Variants in ZNF862 observed in about 807,000 individuals in gnomAD.
The protein encoded by ZNF862 is zinc finger protein 862.
ZNF862 carries 64 observed loss-of-function variants against 91.1 expected under a neutral mutation model. The ratio of observed to expected loss-of-function variants is 0.70; its 90% confidence interval spans 0.57 to 0.87. ZNF862 has a LOEUF of 0.87. Ranked by LOEUF, ZNF862 falls within the 40% of genes least tolerant of loss-of-function variation. The probability of loss-of-function intolerance (pLI) is 0.00; values close to 1 mark genes in which losing one functional copy is unlikely to be tolerated. For missense variants in ZNF862, 1,459 were observed against 1,528.0 expected, an observed-to-expected ratio of 0.95 and a Z score of 0.75; for synonymous variants, 631 against 618.1, an observed-to-expected ratio of 1.02 and a Z score of -0.31.
chr7:149,863,597 A>G (rs559551246), intron 7 of ZNF862, among the ~76,000 whole-genome samples: 14 of 152,150 alleles, frequency 9.2e-5, no homozygotes, highest in Non-Finnish European at 1.8e-4. Context: ...TGCTAAGGAG[A>G]AAAAAATGAT....
At position 149,848,269 on chromosome 7, in the gene ZNF862, C is replaced by G; in HGVS notation, c.776C>G (p.Pro259Arg). ...TTTGATAGCATGGCTGAGCTCCTGC[C>G]AAGTTCAAGAGCTGAACTAGAGGAC... is the stretch of plus-strand genomic sequence containing the variant. Reference protein sequence around the residue: ...GGFDSMAELLPSSRAELEDPG... With the variant: ...GGFDSMAELLRSSRAELEDPG... Residue 259 changes from proline (P) to arginine (R), a missense_variant, in exon 4 of 8, where the codon CCA (proline) becomes CGA (arginine). Transcript: ENST00000223210. The G allele has an allele frequency of 6.2e-7, 1 of 1,612,164 alleles. No individual in the cohort carries two copies. The highest frequency in any genetic ancestry group is 1.1e-5 in the South Asian group (1 of 90,688).
chr7:149,861,441 A>T lies in ZNF862; in HGVS notation c.2281A>T (p.Asn761Tyr). ...CGTCTTCAAGTTTTATCAGTCCTCA[A>T]ACAAGAGGCTGAACGAGCTGCAGGA... is the stretch of plus-strand genomic sequence containing the variant. ...RTVFKFYQSS[N>Y]KRLNELQEGA... Residue 761 changes from asparagine (N) to tyrosine (Y), a missense_variant, in exon 7 of 8, where the codon AAC becomes TAC. By Grantham distance (143) the Asn-to-Tyr change is moderately radical. Coordinates refer to ENST00000223210, the MANE Select transcript of ZNF862 (RefSeq NM_001099220.3). This position sits in a 1 kb window ranked among gnomAD's most constrained non-coding sequence, Gnocchi z 6.7. 5 of 1,613,456 alleles carry T rather than the reference A, an allele frequency of 3.1e-6. No individual in the cohort carries two copies. The highest frequency in any genetic ancestry group is 4.2e-6 in the Non-Finnish European group (5 of 1,179,890).
chr7:149,859,644 C>A, intron 6 of ZNF862, 118 bp downstream of exon 6: 1 of 801,878 alleles, frequency 1.2e-6, no homozygotes, highest in Non-Finnish European at 2.0e-6. Context: ...GGCACCAAGC[C>A]TGGCAGGAGG....
chr7:149,845,836 C>G (rs967343428), intron 2 of ZNF862, among the ~76,000 whole-genome samples: 1 of 152,138 alleles, frequency 6.6e-6, no homozygotes, highest in Non-Finnish European at 1.5e-5. Context: ...GGCCTGGTTT[C>G]TTCTGTTATA....
intron 2 of ZNF862, 110 bp from the exon 3 acceptor site, chr7:149,846,041 C>A: frequency 1.3e-6 from 1 of 753,000 alleles, no homozygotes; most frequent in South Asian, 1.7e-5. Context: ...CCTTATCTCA[C>A]CATGCCGAGA....
Position 149,845,099 on chromosome 7 carries a change from G to A in ZNF862, c.136+363G>A, listed in dbSNP as rs143393372. On this transcript the variant is annotated intron_variant, in intron 2 of 7. Coordinates refer to ENST00000223210, the MANE Select transcript of ZNF862 (RefSeq NM_001099220.3). ...TGGAGGTAGGAAGCAGTGGTGGCAA[G>A]AGCATCACATTTGTGATGTGGAAAT... The A allele has an allele frequency of 9.0e-4, 200 of 221,926 alleles. 1 individual carries two copies. The highest frequency in any genetic ancestry group is 4.5e-3 in the African/African-American group (192 of 43,098). The allele number at this position is 221,926 out of a possible 1,614,324, so 13.7% of individuals were successfully genotyped here. A position where few individuals can be genotyped will look rare whatever the true frequency, so the allele number is the denominator to read the frequency against.
intron 1 of ZNF862, among the ~76,000 whole-genome samples, chr7:149,840,029 C>G (rs1801644184): frequency 6.6e-6 from 1 of 151,766 alleles, no homozygotes; most frequent in Non-Finnish European, 1.5e-5. Flanking sequence ...CGCTGTATAA[C>G]AAGGTTTCCA....
rs765311603 is a variant in ZNF862 at position 149,864,199 on chromosome 7, C to T, written c.3425C>T (p.Ala1142Val). The change falls in exon 8 of 8, where the codon GCG becomes GTG. Residue 1142 changes from alanine to valine, a missense_variant. Coordinates refer to ENST00000223210, the MANE Select transcript of ZNF862 (RefSeq NM_001099220.3). ...CCCATCCTGCCCTCCAGGGAAGCAG[C>T]GGAGGTTCTGAAGGACTGCATCATG... ...KPPILPSREA[A>V]EVLKDCIMEP... 20 of 1,597,706 alleles carry T rather than the reference C, an allele frequency of 1.3e-5. No homozygotes were observed. The highest frequency in any genetic ancestry group is 9.1e-5 in the South Asian group (8 of 87,934).
intron 4 of ZNF862, among the ~76,000 whole-genome samples, chr7:149,849,357 C>T (rs1302693206): frequency 6.6e-6 from 1 of 152,236 alleles, no homozygotes; most frequent in East Asian, 1.9e-4. Context: ...CTCCCCGCAG[C>T]ACTGCTGGGC....
chr7:149,860,470 C>T lies in ZNF862; in HGVS notation c.1310C>T (p.Ala437Val), dbSNP rs773828299. The T allele has an allele frequency of 6.2e-7, 1 of 1,613,986 alleles. No individual in the cohort carries two copies. The highest frequency in any genetic ancestry group is 8.5e-7 in the Non-Finnish European group (1 of 1,179,900). The change falls in exon 7 of 8, where the codon GCC becomes GTC. Residue 437 changes from alanine to valine, a missense_variant. By Grantham distance (64) the Ala-to-Val change is moderately conservative. Coordinates refer to ENST00000223210, the MANE Select transcript of ZNF862 (RefSeq NM_001099220.3). Reference sequence around the variant, plus strand: ...TTGCTTCCAGGCTCTCCCGTGGAGGCCCGTGCCTCCTGCTGCAGTTCCAGC... The same window carrying T: ...TTGCTTCCAGGCTCTCCCGTGGAGGTCCGTGCCTCCTGCTGCAGTTCCAGC... ...SALLPGSPVE[A>V]RASCCSSSIC...
In ZNF862 at chr7:149,850,193, T is replaced by C. The variant is rs1802015805; in HGVS notation, c.972T>C (p.Val324=). The part of the protein sequence containing the change: ...DPSAEGLSEE[V]PVVFEELPVV... ...CTGCAGAGGGGCTGTCGGAGGAGGT[T>C]CCTGTGGTGTTTGAGGAGCTGCCGG... Residue 324 remains valine, a synonymous_variant, in exon 5 of 8, where the codon GTT becomes GTC. Coordinates refer to ENST00000223210, the MANE Select transcript of ZNF862 (RefSeq NM_001099220.3). This position sits in a 1 kb window ranked among gnomAD's most constrained non-coding sequence, Gnocchi z 4.2. 1 of 1,590,158 alleles carries C rather than the reference T, an allele frequency of 6.3e-7. No homozygotes were observed. Among genetic ancestry groups the C allele is most frequent in the African/African-American group, 1.3e-5 (1 of 74,340 alleles).
chr7:149,856,389 G>A (rs1181782112), intron 5 of ZNF862: 1 of 152,146 alleles, frequency 6.6e-6, no homozygotes, highest in Admixed American at 6.5e-5. Flanking sequence ...GGTTACATTG[G>A]TATAAATTAT....
At chr7:149,857,558 C>G (rs188951104) in intron 5 of ZNF862, among the ~76,000 whole-genome samples, 4 of 152,100 alleles carry the variant, frequency 2.6e-5, no homozygotes, top group Non-Finnish European at 5.9e-5. Context: ...TTTGGTTTCT[C>G]TCTTTCATGT....
chr7:149,859,420 A>G lies in ZNF862; in HGVS notation c.1118-2A>G. On this transcript the variant is annotated splice_acceptor_variant, in intron 5 of 7. Transcript: ENST00000223210. LOFTEE classifies it high-confidence loss of function. ...CAGCATGATTCTTCATCCTTACAAC[A>G]GGACCTGCCGCTGCCAAGCCAGACT... is the stretch of plus-strand genomic sequence containing the variant. 2 of 1,568,482 alleles carry G rather than the reference A, an allele frequency of 1.3e-6. No homozygotes were observed. Among genetic ancestry groups the G allele is most frequent in the Non-Finnish European group, 8.6e-7 (1 of 1,156,342 alleles).
chr7:149,843,237 T>A (rs1477865171), intron 1 of ZNF862, among the ~76,000 whole-genome samples: 3 of 152,220 alleles, frequency 2.0e-5, no homozygotes, highest in Non-Finnish European at 4.4e-5. Context: ...AAGAAATGTC[T>A]ACTGTTGAGG....
At chr7:149,838,713 C>A in intron 1 of ZNF862, 78 bp downstream of exon 1, 2 of 961,166 alleles carry the variant, frequency 2.1e-6, no homozygotes, top group Non-Finnish European at 2.7e-6. Flanking sequence ...CGGGGCGGCT[C>A]GGGCGGAGGC....
In ZNF862 at chr7:149,850,476, C is replaced by T; in HGVS notation, c.1117+138C>T. On this transcript the variant is annotated intron_variant, in intron 5 of 7. Transcript: ENST00000223210. The surrounding 1 kb of genome is among the most constrained non-coding windows in gnomAD (Gnocchi z 4.2). ...CAGAGACCGATCCTGTCTTTTGCAC[C>T]TCATAACTCCCCTGCTTGGGGTAAC... The T allele has an allele frequency of 1.2e-6, 1 of 838,890 alleles. No individual in the cohort carries two copies. The highest frequency in any genetic ancestry group is 1.8e-6 in the Non-Finnish European group (1 of 554,514). The allele number at this position is 838,890 out of a possible 1,614,324, so 52.0% of individuals were successfully genotyped here.
At chr7:149,839,027 G>C (rs564200316) in intron 1 of ZNF862, among the ~76,000 whole-genome samples, 4 of 152,240 alleles carry the variant, frequency 2.6e-5, no homozygotes, top group Admixed American at 6.5e-5. Flanking sequence ...TTGAGGGCTT[G>C]ACCCTGCCTA....
At position 149,861,473 on chromosome 7, in the gene ZNF862, G is replaced by A. The variant is rs1451402185; in HGVS notation, c.2313G>A (p.Ala771=). The A allele has an allele frequency of 1.2e-6, 2 of 1,613,118 alleles. No individual in the cohort carries two copies. The highest frequency in any genetic ancestry group is 1.7e-6 in the Non-Finnish European group (2 of 1,179,756). The change falls in exon 7 of 8, where the codon GCG becomes GCA. Residue 771 remains alanine, a synonymous_variant. Coordinates refer to ENST00000223210, the MANE Select transcript of ZNF862 (RefSeq NM_001099220.3). The surrounding 1 kb of genome is among the most constrained non-coding windows in gnomAD (Gnocchi z 6.7). ...NKRLNELQEG[A]APLEQEIIRL... ...GGCTGAACGAGCTGCAGGAAGGTGC[G>A]GCGCCTCTGGAGCAGGAGATCATCC...
Sources: allele counts gnomAD v4.1 joint callset (sites outside exome capture counted in the v4.1 genomes callset), GRCh38; gene constraint gnomAD v4.1.1; non-coding constraint Gnocchi (gnomAD v3.1); transcripts MANE v1.5; gene names NCBI Gene and HGNC (gene_info 2026-07-23, HGNC 2026-07-21).